The following CDC27 variants were observed in gnomAD, a reference collection of about 807,000 sequenced individuals.
CDC27 encodes cell division cycle protein 27 homolog.
A neutral mutation model predicts 109.7 loss-of-function variants in CDC27; 27 were observed. That is an observed-to-expected ratio of 0.25 (90% CI 0.18 to 0.34). The LOEUF is 0.34. Ranked by LOEUF, CDC27 falls within the 10% of genes least tolerant of loss-of-function variation. CDC27 has a pLI of 1.00. For missense variants in CDC27, 579 were observed against 960.2 expected (o/e 0.60, Z 5.25); for synonymous variants, 266 against 333.9 (o/e 0.80, Z 2.22).
chr17:47,127,495 C>T (rs183047531), intron 16 of CDC27, among the ~76,000 whole-genome samples: 34 of 151,272 alleles, frequency 2.2e-4, no homozygotes, highest in African/African-American at 7.8e-4. Flanking sequence ...CTCTGCCTTC[C>T]AGTTTCAAGC....
At chr17:47,132,779 T>TATC (rs1555783689) in intron 14 of CDC27, among the ~76,000 whole-genome samples, 1 of 132,808 alleles carries the variant, frequency 7.5e-6, no homozygotes, top group Non-Finnish European at 1.6e-5. Flanking sequence ...TTATTATTAT[T>TATC]ATATTTTAAA....
At chr17:47,122,327 G>T in intron 18 of CDC27, 117 bp downstream of exon 18, 1 of 642,544 alleles carries the variant, frequency 1.6e-6, no homozygotes, top group Non-Finnish European at 2.5e-6. Context: ...TTCCCTAAAA[G>T]TCCATTTGGT....
rs79580708 is a variant in CDC27 at position 47,189,217 on chromosome 17, T to C, written c.-45A>G. 13 of 1,545,158 alleles carry C rather than the reference T, an allele frequency of 8.4e-6. No homozygotes were observed. The highest frequency in any genetic ancestry group is 1.1e-5 in the Non-Finnish European group (12 of 1,117,560). On this transcript the variant is annotated 5_prime_UTR_variant, in exon 1 of 19. Transcript: ENST00000066544. ...TTTCTGCAGTGCCTCAGGCCCCCCCTGTAGCGGCTCCGGCCCGGCCAGCCC... is the reference window on the plus strand; with the variant it reads ...TTTCTGCAGTGCCTCAGGCCCCCCCCGTAGCGGCTCCGGCCCGGCCAGCCC...
At chr17:47,141,589 C>T (rs376553593) in intron 12 of CDC27, among the ~76,000 whole-genome samples, 1 of 152,104 alleles carries the variant, frequency 6.6e-6, no homozygotes, top group Non-Finnish European at 1.5e-5. Flanking sequence ...TCAGACACAA[C>T]TGAATAGGAC....
rs763088497 is a variant in CDC27 at position 47,154,681 on chromosome 17, A to G, written c.948T>C (p.Pro316=). The change falls in exon 8 of 19, where the codon CCT becomes CCC. Residue 316 remains proline (P), a synonymous_variant. Transcript: ENST00000066544. ...TTTACATGGAAAATACCTTTTTTGA[A>G]GGGGCTCCGGTGGATGGCACATCAA... is the stretch of plus-strand genomic sequence containing the variant. ...PVIDVPSTGA[P]SKKSVARIGQ... 17 of 1,555,886 alleles carry G rather than the reference A, an allele frequency of 1.1e-5. No individual in the cohort carries two copies. The highest frequency in any genetic ancestry group is 1.4e-5 in the Non-Finnish European group (16 of 1,135,092).
At chr17:47,127,563 C>T (rs1357907121) in intron 16 of CDC27, among the ~76,000 whole-genome samples, 3 of 151,364 alleles carry the variant, frequency 2.0e-5, no homozygotes, top group African/African-American at 4.9e-5. Flanking sequence ...CCACCATGCC[C>T]GGCTAATTTT....
At chr17:47,142,566 G>A (rs1048953711) in intron 10 of CDC27, 130 bp from the exon 11 acceptor site, 12 of 497,570 alleles carry the variant, frequency 2.4e-5, no homozygotes, top group Non-Finnish European at 3.9e-5. Context: ...TCAGAAGAGA[G>A]TTTATAAAAA....
chr17:47,145,424 T>G (rs11570510), intron 9 of CDC27, among the ~76,000 whole-genome samples: 203 of 152,160 alleles, frequency 1.3e-3, no homozygotes, highest in Middle Eastern at 0.01. Flanking sequence ...GGTGTTTGAG[T>G]GTTATATAAT....
At chr17:47,134,992 T>C (rs897555324) in intron 14 of CDC27, among the ~76,000 whole-genome samples, 14 of 151,996 alleles carry the variant, frequency 9.2e-5, no homozygotes, top group African/African-American at 3.1e-4. Flanking sequence ...ATTGCTAAAT[T>C]ATCTCATTTA....
chr17:47,147,426 A>G (rs1474164154), intron 9 of CDC27, among the ~76,000 whole-genome samples: 2 of 103,838 alleles, frequency 1.9e-5, no homozygotes, highest in African/African-American at 7.4e-5. Context: ...CAAACAAACA[A>G]ACAAAAAAAA....
At chr17:47,169,686 A>C (rs1351803803) in intron 4 of CDC27, 3 of 326,816 alleles carry the variant, frequency 9.2e-6, no homozygotes, top group Non-Finnish European at 1.6e-5. Flanking sequence ...AAAAAACCTA[A>C]CATGTATGAT....
intron 9 of CDC27, among the ~76,000 whole-genome samples, chr17:47,150,114 A>G (rs1396182976): frequency 6.6e-6 from 1 of 152,254 alleles, no homozygotes; most frequent in Non-Finnish European, 1.5e-5. Flanking sequence ...GGAGCACGAA[A>G]GTATACTATT....
chr17:47,125,912 G>T (rs1466126298), intron 16 of CDC27, among the ~76,000 whole-genome samples: 1 of 152,112 alleles, frequency 6.6e-6, no homozygotes, highest in Admixed American at 6.6e-5. Context: ...ACACAATTCA[G>T]AATTGATATG....
At chr17:47,160,744 A>G (rs1598523111) in intron 4 of CDC27, among the ~76,000 whole-genome samples, 1 of 152,368 alleles carries the variant, frequency 6.6e-6, no homozygotes, top group South Asian at 2.1e-4. Context: ...TGAAACTATC[A>G]GGTAAAATGT....
chr17:47,160,805 G>A (rs1449347897), intron 4 of CDC27, among the ~76,000 whole-genome samples: 1 of 152,160 alleles, frequency 6.6e-6, no homozygotes. Context: ...AGAGAACTAT[G>A]AAGAAGGTAC....
chr17:47,120,239 C>T lies in CDC27; in HGVS notation c.*696G>A, dbSNP rs928532798. ...AATTTTAAAGTTTGCAATACCAAGA[C>T]AACAATGATCAACACTTTGAAGCAA... On this transcript the variant is annotated 3_prime_UTR_variant, in exon 19 of 19. Transcript: ENST00000066544. 1 of 152,550 alleles carries T rather than the reference C, an allele frequency of 6.6e-6. No homozygotes were observed. The highest frequency in any genetic ancestry group is 1.5e-5 in the Non-Finnish European group (1 of 68,010). 9.4% of individuals were successfully genotyped at this position (152,550 alleles called of 1,614,324 possible).
chr17:47,149,077 C>CAAAAA (rs71138591), intron 9 of CDC27, among the ~76,000 whole-genome samples: 2 of 66,878 alleles, frequency 3.0e-5, no homozygotes, highest in African/African-American at 1.2e-4. Context: ...GACTCTGTCT[C>CAAAAA]AAAAAAAAAA....
chr17:47,157,239 C>G lies in CDC27; in HGVS notation c.621G>C (p.Gln207His), dbSNP rs1045037957. The change falls in exon 6 of 19, where the codon CAG becomes CAC. Residue 207 changes from glutamine to histidine, a missense_variant. Gln to His is a conservative substitution (Grantham distance 24). Around this residue, in one of 9 missense-constraint regions of CDC27, gnomAD observed 57 missense variants for 59.0 expected, o/e 0.97. Transcript: ENST00000066544. The stretch of plus-strand genomic sequence containing the variant: ...AATATAAGACACTTACAATTGTGTC[C>G]TGGGGTGTTTCCGTAAGAACTGTCT... ...QPETVLTETP[Q>H]DTIELNRLNL... 21 of 1,610,086 alleles carry G rather than the reference C, an allele frequency of 1.3e-5. No homozygotes were observed. Among genetic ancestry groups the G allele is most frequent in the Non-Finnish European group, 1.8e-5 (21 of 1,178,564 alleles).
chr17:47,129,621 A>G, intron 15 of CDC27, 100 bp from the exon 16 acceptor site: 2 of 769,126 alleles, frequency 2.6e-6, no homozygotes, highest in Non-Finnish European at 4.2e-6. Context: ...ATTATTAGAG[A>G]TAAGGTTGTA....
Sources: allele counts gnomAD v4.1 joint callset (sites outside exome capture counted in the v4.1 genomes callset), GRCh38; gene constraint gnomAD v4.1.1; regional missense constraint gnomAD v4.1.1; transcripts MANE v1.5; gene names NCBI Gene and HGNC (gene_info 2026-07-23, HGNC 2026-07-21).